Variants in MTTP observed in about 807,000 individuals in gnomAD.
MTTP encodes microsomal triglyceride transfer protein.
A neutral mutation model predicts 90.6 loss-of-function variants in MTTP; 49 were observed. The observed-to-expected ratio is 0.54, with a 90% CI of 0.43 to 0.69. The LOEUF is 0.69. Among genes scored for constraint, MTTP ranks in the 30% least tolerant of loss-of-function variants. The pLI, the probability that MTTP is intolerant of heterozygous loss-of-function variation, is 0.00. For synonymous variants in MTTP, 347 were observed against 384.2 expected, an observed-to-expected ratio of 0.90 and a Z score of 1.13; for missense variants, 945 against 1,067.5, an observed-to-expected ratio of 0.89 and a Z score of 1.60.
At position 99,619,095 on chromosome 4, in the gene MTTP, A is replaced by T; in HGVS notation, c.2339A>T (p.Asn780Ile). 3 of 1,613,164 alleles carry T rather than the reference A, an allele frequency of 1.9e-6. No homozygotes were observed. The highest frequency in any genetic ancestry group is 4.5e-5 in the East Asian group (2 of 44,822). ...WYRESKTRVK[N>I]RVTVVITTDI... Reference sequence around the variant, plus strand: ...CGTGAGTCTAAAACCCGAGTGAAAAATAGGTAAGTGTTTATGCATTATACA... The same window carrying T: ...CGTGAGTCTAAAACCCGAGTGAAAATTAGGTAAGTGTTTATGCATTATACA... The change falls in exon 16 of 18, where the codon AAT becomes ATT. Residue 780 changes from asparagine to isoleucine, a missense_variant. Physicochemically the swap from Asn to Ile is moderately radical, Grantham distance 149 (BLOSUM62 -3). Transcript: ENST00000265517.
intron 8 of MTTP, among the ~76,000 whole-genome samples, chr4:99,597,875 G>C (rs1394201406): frequency 6.6e-6 from 1 of 152,130 alleles, no homozygotes; most frequent in Non-Finnish European, 1.5e-5. Context: ...TACAGAATTT[G>C]TGTATATATA....
intron 3 of MTTP, among the ~76,000 whole-genome samples, chr4:99,588,541 T>A (rs979213160): frequency 6.6e-6 from 1 of 151,910 alleles, no homozygotes; most frequent in Non-Finnish European, 1.5e-5. Flanking sequence ...AAAACAAAAC[T>A]AAGTGGCTTA....
intron 11 of MTTP, among the ~76,000 whole-genome samples, chr4:99,608,242 C>T (rs377296445): frequency 3.9e-5 from 6 of 151,922 alleles, no homozygotes; most frequent in African/African-American, 7.3e-5. Flanking sequence ...GTCAGGAATT[C>T]GAGACCAGAC....
At chr4:99,587,912 A>G (rs1211549077) in intron 3 of MTTP, among the ~76,000 whole-genome samples, 1 of 152,202 alleles carries the variant, frequency 6.6e-6, no homozygotes, top group African/African-American at 2.4e-5. Flanking sequence ...AGATATTGCC[A>G]GTGATTTGTT....
intron 16 of MTTP, among the ~76,000 whole-genome samples, chr4:99,619,899 T>C (rs1278916957): frequency 1.3e-5 from 2 of 152,198 alleles, no homozygotes; most frequent in Non-Finnish European, 2.9e-5. Context: ...GTTCACAATA[T>C]AACTTAGGGC....
rs376961216 is a variant in MTTP, at chr4:99,594,543, A to C, written c.759-190A>C. On this transcript the variant is annotated intron_variant, in intron 6 of 17. Transcript: ENST00000265517. ...GCAAACTTAAATTTTCAAATCTTTT[A>C]ATATAATTGTTGCTCCAGAAAGACT... Among the ~76,000 whole-genome samples the C allele has an allele frequency of 1.8e-3, 280 of 152,314 alleles. 13 individuals carry two copies. In the South Asian group the frequency reaches 0.057, roughly 31 times the overall value.
chr4:99,570,613 T>G, upstream of MTTP: 1 of 445,614 alleles, frequency 2.2e-6, no homozygotes, highest in Admixed American at 2.4e-5. Flanking sequence ...CTCCAGAACC[T>G]GTGATAGTCT....
chr4:99,609,074 AGGGTT>A, intron 12 of MTTP, 97 bp downstream of exon 12: 5 of 1,210,944 alleles, frequency 4.1e-6, no homozygotes, highest in East Asian at 2.4e-5. Context: ...GTCATTATGC[AGGGTT>A]ACGTTGCATA....
At chr4:99,620,274 C>A (rs1726197589) in intron 16 of MTTP, among the ~76,000 whole-genome samples, 1 of 152,176 alleles carries the variant, frequency 6.6e-6, no homozygotes, top group South Asian at 2.1e-4. Context: ...AATTAATATT[C>A]CTGTCAAAAC....
Position 99,574,844 on chromosome 4 carries a change from T to G in MTTP, c.-66T>G. The G allele has an allele frequency of 2.5e-6, 4 of 1,613,986 alleles. No individual in the cohort carries two copies. The East Asian group carries it at 8.9e-5, about 36-fold the overall frequency. On this transcript the variant is annotated 5_prime_UTR_variant, in exon 1 of 18. The change creates a new upstream start codon in the 5' untranslated region. Transcript: ENST00000265517. ...GGGTCACTCCCTCACTGGCTGCCAT[T>G]GAAAGAGTCCACTTCTCAGTGACTC...
At chr4:99,622,519 A>T (rs1726261648) in intron 17 of MTTP, among the ~76,000 whole-genome samples, 158 bp from the exon 18 acceptor site, 1 of 152,198 alleles carries the variant, frequency 6.6e-6, no homozygotes, top group Admixed American at 6.5e-5. Flanking sequence ...AAGAAATGAG[A>T]AGAAAATCAC....
At chr4:99,601,327 T>TC (rs1725691536) in intron 9 of MTTP, among the ~76,000 whole-genome samples, 1 of 143,424 alleles carries the variant, frequency 7.0e-6, no homozygotes, top group African/African-American at 2.5e-5. Context: ...CCTCCTTTTT[T>TC]TTTTTTTTTT....
At chr4:99,576,322 G>C (rs1724956050) in intron 1 of MTTP, among the ~76,000 whole-genome samples, 1 of 152,086 alleles carries the variant, frequency 6.6e-6, no homozygotes, top group South Asian at 2.1e-4. Context: ...ATTGAGACAT[G>C]GTACTTATCA....
At position 99,576,184 on chromosome 4, in the gene MTTP, TCTGA is replaced by T. The variant is rs565471790; in HGVS notation, c.61+1219_61+1222del. ...ATGAGAAGAAGATTTATAAATTATA[TCTGA>T]CTGAGAGTGTTATATAGAGGACTTA... is the stretch of plus-strand genomic sequence containing the variant. On this transcript the variant is annotated intron_variant, in intron 1 of 17. Transcript: ENST00000265517. Among the ~76,000 whole-genome samples the T allele has an allele frequency of 5.7e-3, 863 of 152,306 alleles. 4 individuals are homozygous for T. The highest frequency in any genetic ancestry group is 0.02 in the African/African-American group (821 of 41,574).
At chr4:99,620,939 C>A in intron 16 of MTTP, 122 bp from the exon 17 acceptor site, 2 of 925,254 alleles carry the variant, frequency 2.2e-6, no homozygotes, top group Non-Finnish European at 3.3e-6. Context: ...CCTCTGAATC[C>A]CTTAAGTGTT....
At chr4:99,621,324 C>T (rs765566341) in intron 17 of MTTP, 93 bp downstream of exon 17, 15 of 1,458,872 alleles carry the variant, frequency 1.0e-5, no homozygotes, top group East Asian at 6.8e-5. Context: ...AGAATTAAAA[C>T]AAAACAGTAG....
At position 99,594,891 on chromosome 4, in the gene MTTP, C is replaced by A. The variant is rs763193309; in HGVS notation, c.909+8C>A. The A allele has an allele frequency of 6.2e-7, 1 of 1,613,462 alleles. No individual in the cohort carries two copies. The highest frequency in any genetic ancestry group is 2.2e-5 in the East Asian group (1 of 44,866). ...TGTAAAGGATGTCCTTCTGTAAGTG[C>A]AGACAAATATGGGAATAATCATGAC... On this transcript the variant is annotated splice_region_variant and intron_variant, in intron 7 of 17. Transcript: ENST00000265517.
In MTTP at chr4:99,589,733, T is replaced by G. The variant is rs1276988482; in HGVS notation, c.484T>G (p.Ser162Ala). The G allele has an allele frequency of 3.8e-6, 6 of 1,589,484 alleles. No individual in the cohort carries two copies. In the South Asian group the frequency reaches 5.5e-5, roughly 15 times the overall value. The change falls in exon 4 of 18, where the codon TCT becomes GCT. Residue 162 changes from serine to alanine, a missense_variant. By Grantham distance (99) the Ser-to-Ala change is moderately conservative (BLOSUM62 1). Coordinates refer to ENST00000265517, the MANE Select transcript of MTTP (RefSeq NM_001386140.1). ...LASLFQTQLSSGTTNEVDISG... is the reference protein window; with the variant it reads ...LASLFQTQLSAGTTNEVDISG... ...TAGCCTATTTCAGACACAGTTAAGC[T>G]CTGGAACCACCAATGAGGTACTTAC...
chr4:99,615,851 T>C (rs1726085796), intron 15 of MTTP, among the ~76,000 whole-genome samples: 1 of 152,214 alleles, frequency 6.6e-6, no homozygotes, highest in Admixed American at 6.5e-5. Context: ...ATCTGAGCTA[T>C]AAGAAACACT....
Sources: allele counts gnomAD v4.1 joint callset (sites outside exome capture counted in the v4.1 genomes callset), GRCh38; gene constraint gnomAD v4.1.1; transcripts MANE v1.5; gene names NCBI Gene and HGNC (gene_info 2026-07-23, HGNC 2026-07-21).